The following CALN1 variants were observed in gnomAD, a reference collection of about 807,000 sequenced individuals.
CALN1 encodes the protein calcium-binding protein 8.
CALN1 carries 17 observed loss-of-function variants against 30.6 expected under a neutral mutation model. That is an observed-to-expected ratio of 0.56 (90% CI 0.38 to 0.83). The LOEUF (loss-of-function observed/expected upper bound fraction) is 0.83, where lower values mean the gene tolerates loss of function less well. CALN1 is among the 40% of genes least tolerant of loss of function. CALN1 has a pLI of 0.00. For synonymous variants in CALN1, 156 were observed against 131.4 expected (o/e 1.19, Z -1.28); for missense variants, 291 against 354.9 (o/e 0.82, Z 1.45).
rs71092931 is a variant in CALN1, at chr7:71,920,330, C to CTT, written c.501+103325_501+103326dup. On this transcript the variant is annotated intron_variant, in intron 5 of 6. Coordinates refer to ENST00000395275, the MANE Select transcript of CALN1 (RefSeq NM_031468.4). The stretch of plus-strand genomic sequence containing the variant: ...CTGTTTGACCTTGGACAAATTAGTT[C>CTT]TTTTTTTTTTTTTTTTTTTTTTTGA... Among the ~76,000 whole-genome samples, 735 of 98,602 alleles carry CTT rather than the reference C, an allele frequency of 7.5e-3. 2 individuals carry two copies. Among genetic ancestry groups the CTT allele is most frequent in the Non-Finnish European group, 0.01 (526 of 50,500 alleles). The allele number at this position is 98,602 out of a possible 152,430, so 64.7% of individuals were successfully genotyped here.
chr7:72,124,168 C>A (rs149642193), intron 3 of CALN1, among the ~76,000 whole-genome samples: 3 of 152,182 alleles, frequency 2.0e-5, no homozygotes, highest in African/African-American at 7.2e-5. Flanking sequence ...GGAAGCTGAG[C>A]GGCTCATGTC....
chr7:71,855,065 TACTA>T (rs1370393461), intron 5 of CALN1, among the ~76,000 whole-genome samples: 1 of 152,214 alleles, frequency 6.6e-6, no homozygotes, highest in African/African-American at 2.4e-5. Context: ...ACATGCTTCA[TACTA>T]ACTGTGAACA....
At chr7:72,365,699 G>A (rs954077429) in intron 2 of CALN1, among the ~76,000 whole-genome samples, 4 of 152,128 alleles carry the variant, frequency 2.6e-5, no homozygotes, top group African/African-American at 7.2e-5. Flanking sequence ...CCAAAGTGCT[G>A]GGATTACAGG....
chr7:72,235,248 T>C (rs749321974), intron 3 of CALN1, among the ~76,000 whole-genome samples: 1 of 152,006 alleles, frequency 6.6e-6, no homozygotes, highest in Non-Finnish European at 1.5e-5. Flanking sequence ...CACTCCAGCC[T>C]GGATGACACA....
At chr7:72,035,561 G>C (rs80066200) in intron 4 of CALN1, among the ~76,000 whole-genome samples, 3,088 of 152,078 alleles carry the variant, frequency 0.02, 101 homozygotes, top group African/African-American at 0.07. Context: ...GTGTGTAGTT[G>C]ATCTTTTTGT....
At chr7:72,449,910 C>T (rs144328169), upstream of CALN1, among the ~76,000 whole-genome samples, 3 of 129,850 alleles carry the variant, frequency 2.3e-5, no homozygotes, top group East Asian at 2.3e-4. Context: ...AAAGAATATT[C>T]GGTCAGCTAT....
intron 2 of CALN1, among the ~76,000 whole-genome samples, chr7:72,386,174 G>C (rs998424173): frequency 6.6e-6 from 1 of 152,180 alleles, no homozygotes; most frequent in Non-Finnish European, 1.5e-5. Context: ...GTGGATACAT[G>C]ACAATATGTA....
At chr7:71,995,122 G>T (rs1295852110) in intron 5 of CALN1, among the ~76,000 whole-genome samples, 1 of 152,082 alleles carries the variant, frequency 6.6e-6, no homozygotes, top group Non-Finnish European at 1.5e-5. Context: ...AAAGTGCTGG[G>T]ATTACAGGTC....
chr7:72,437,435 G>A (rs1562968416), intron 1 of CALN1, among the ~76,000 whole-genome samples: 1 of 152,054 alleles, frequency 6.6e-6, no homozygotes, highest in Non-Finnish European at 1.5e-5. Context: ...GCTAAGGGCT[G>A]TTTTAGCTTC....
At chr7:71,807,360 G>C (rs892024021) in intron 6 of CALN1, among the ~76,000 whole-genome samples, 1 of 152,156 alleles carries the variant, frequency 6.6e-6, no homozygotes, top group African/African-American at 2.4e-5. Flanking sequence ...TGCCCAAAAT[G>C]CAACCAGGGA....
intron 4 of CALN1, among the ~76,000 whole-genome samples, chr7:72,024,018 C>T (rs538592100): frequency 1.1e-4 from 16 of 152,312 alleles, no homozygotes; most frequent in African/African-American, 3.6e-4. Flanking sequence ...AAATGTCCAA[C>T]CATCACTTCC....
chr7:72,039,206 G>C (rs1051232806), intron 4 of CALN1, among the ~76,000 whole-genome samples: 1 of 152,166 alleles, frequency 6.6e-6, no homozygotes, highest in African/African-American at 2.4e-5. Flanking sequence ...TCAGTTGTTC[G>C]TATCTAGCCA....
At chr7:72,390,096 C>T (rs1805481938) in intron 2 of CALN1, among the ~76,000 whole-genome samples, 1 of 151,832 alleles carries the variant, frequency 6.6e-6, no homozygotes, top group African/African-American at 2.4e-5. Flanking sequence ...GGACCTTTGC[C>T]CTGGGAAGAC....
chr7:72,158,759 G>C (rs923709486), intron 3 of CALN1, among the ~76,000 whole-genome samples: 2 of 152,200 alleles, frequency 1.3e-5, no homozygotes, highest in South Asian at 2.1e-4. Flanking sequence ...CGAGTAGTTT[G>C]AAAGTACCCG....
intron 5 of CALN1, among the ~76,000 whole-genome samples, chr7:71,975,193 G>A (rs529381374): frequency 3.7e-4 from 57 of 152,286 alleles, no homozygotes; most frequent in African/African-American, 1.3e-3. Flanking sequence ...GGCACATTTA[G>A]GGAGGGATGT....
At chr7:72,256,892 C>A (rs1264335744) in intron 3 of CALN1, among the ~76,000 whole-genome samples, 1 of 152,202 alleles carries the variant, frequency 6.6e-6, no homozygotes, top group East Asian at 1.9e-4. Context: ...CAGCTATTGC[C>A]AAGTACCCTG....
chr7:72,225,628 G>C (rs1793616536), intron 3 of CALN1, among the ~76,000 whole-genome samples: 1 of 152,124 alleles, frequency 6.6e-6, no homozygotes, highest in Admixed American at 6.5e-5. Flanking sequence ...GCGCTACCTT[G>C]ATGATTTTGT....
intron 5 of CALN1, among the ~76,000 whole-genome samples, chr7:71,991,051 G>T (rs1273924439): frequency 6.6e-6 from 1 of 151,198 alleles, no homozygotes; most frequent in South Asian, 2.1e-4. Flanking sequence ...AACAGTGAGG[G>T]GGGGGGTCGA....
chr7:71,803,724 C>T (rs1028593849), intron 6 of CALN1, among the ~76,000 whole-genome samples: 6 of 152,158 alleles, frequency 3.9e-5, no homozygotes, highest in African/African-American at 1.4e-4. Context: ...ATCCTCCCAC[C>T]TCGGCCTCCC....
Sources: allele counts gnomAD v4.1 joint callset (sites outside exome capture counted in the v4.1 genomes callset), GRCh38; gene constraint gnomAD v4.1.1; transcripts MANE v1.5; gene names NCBI Gene and HGNC (gene_info 2026-07-23, HGNC 2026-07-21).